Variants in ACOT12 observed in about 807,000 individuals in gnomAD.
ACOT12 encodes acetyl-coenzyme A thioesterase.
ACOT12 carries 51 observed loss-of-function variants against 67.7 expected under a neutral mutation model. The ratio of observed to expected loss-of-function variants is 0.75; its 90% CI spans 0.60 to 0.95. The LOEUF (loss-of-function observed/expected upper bound fraction) is 0.95. ACOT12 is among the 40% of genes least tolerant of loss of function. The pLI, the probability that ACOT12 is intolerant of heterozygous loss-of-function variation, is 0.00. For missense variants in ACOT12, 734 were observed against 708.1 expected (o/e 1.04, Z -0.41); for synonymous variants, 251 against 244.6 (o/e 1.03, Z -0.24).
chr5:81,353,720 AATCTC>A (rs1759623108), intron 5 of ACOT12, among the ~76,000 whole-genome samples: 1 of 152,224 alleles, frequency 6.6e-6, no homozygotes, highest in Admixed American at 6.5e-5. Context: ...TTACAAAACT[AATCTC>A]ATCTCTTTTC....
the ACOT12 span, among the ~76,000 whole-genome samples, chr5:81,323,426 C>A: frequency 6.6e-6 from 1 of 152,166 alleles, no homozygotes; most frequent in African/African-American, 2.4e-5. Flanking sequence ...TTTCCTGGGA[C>A]CATCAGACTA....
At chr5:81,382,634 T>C (rs1760616059) in intron 2 of ACOT12, among the ~76,000 whole-genome samples, 2 of 151,868 alleles carry the variant, frequency 1.3e-5, no homozygotes, top group South Asian at 2.1e-4. Flanking sequence ...CCATCTCTAC[T>C]AAAAAATACA....
At chr5:81,338,593 T>G (rs1479168739) in intron 11 of ACOT12, among the ~76,000 whole-genome samples, 5 of 152,186 alleles carry the variant, frequency 3.3e-5, no homozygotes, top group Non-Finnish European at 5.9e-5. Context: ...TTACCCAGTC[T>G]CAGGTAGTTC....
chr5:81,345,999 A>G lies in ACOT12; in HGVS notation c.659T>C (p.Leu220Pro). Residue 220 changes from leucine (L) to proline (P), a missense_variant, in exon 7 of 15, where the codon CTG becomes CCG. Leu to Pro is a moderately conservative substitution (Grantham distance 98, BLOSUM62 -3). Coordinates refer to ENST00000307624, the MANE Select transcript of ACOT12 (RefSeq NM_130767.3). ...ETVATISASR[L>P]CWAHPFLKSV... Reference sequence around the variant, plus strand: ...CTTCAGAAAGGGATGAGCCCAACACAGGCGGCTGGGGAGACAAAGGGAGGG... The same window carrying G: ...CTTCAGAAAGGGATGAGCCCAACACGGGCGGCTGGGGAGACAAAGGGAGGG... 4 of 1,613,596 alleles carry G rather than the reference A, an allele frequency of 2.5e-6. No homozygotes were observed. The highest frequency in any genetic ancestry group is 3.4e-6 in the Non-Finnish European group (4 of 1,179,708).
At chr5:81,309,185 T>C in the ACOT12 span, 30 of 550,270 alleles carry the variant, frequency 5.5e-5, no homozygotes, top group Non-Finnish European at 8.8e-5. Context: ...TGCTATCATA[T>C]GTACTAGGCT....
intron 5 of ACOT12, among the ~76,000 whole-genome samples, chr5:81,350,271 A>G (rs1243945782): frequency 6.6e-6 from 1 of 152,042 alleles, no homozygotes; most frequent in Non-Finnish European, 1.5e-5. Flanking sequence ...ACTGAGTTTC[A>G]AATTTTAATT....
At chr5:81,344,006 T>A in intron 9 of ACOT12, 125 bp from the exon 10 acceptor site, 3 of 1,209,706 alleles carry the variant, frequency 2.5e-6, no homozygotes, top group Admixed American at 4.3e-5. Context: ...GTGGAAGAAC[T>A]ATTTCCATAA....
At chr5:81,392,310 CT>C (rs1404446907) in intron 1 of ACOT12, among the ~76,000 whole-genome samples, 1 of 152,166 alleles carries the variant, frequency 6.6e-6, no homozygotes, top group Non-Finnish European at 1.5e-5. Context: ...ATAATGTCCC[CT>C]GCTTATGTGG....
At chr5:81,341,522 T>G (rs1433826987) in intron 11 of ACOT12, among the ~76,000 whole-genome samples, 1 of 152,194 alleles carries the variant, frequency 6.6e-6, no homozygotes, top group Non-Finnish European at 1.5e-5. Flanking sequence ...AATCAGGACA[T>G]ATGGTCATCC....
chr5:81,376,138 T>A (rs1045162466), intron 2 of ACOT12, among the ~76,000 whole-genome samples: 1 of 151,890 alleles, frequency 6.6e-6, no homozygotes, highest in Non-Finnish European at 1.5e-5. Flanking sequence ...TAACAAACAG[T>A]CTCTCAGACC....
intron 5 of ACOT12, among the ~76,000 whole-genome samples, chr5:81,353,884 T>C (rs1225715634): frequency 1.3e-5 from 2 of 152,218 alleles, no homozygotes; most frequent in Admixed American, 1.3e-4. Flanking sequence ...AAAAACATGG[T>C]ACAAGAACAG....
At chr5:81,320,204 T>A in the ACOT12 span, among the ~76,000 whole-genome samples, 1 of 152,138 alleles carries the variant, frequency 6.6e-6, no homozygotes, top group African/African-American at 2.4e-5. Flanking sequence ...AGATATTAAG[T>A]GAATGCAGGA....
intron 4 of ACOT12, among the ~76,000 whole-genome samples, chr5:81,360,800 C>G (rs747984913): frequency 6.6e-6 from 1 of 152,096 alleles, no homozygotes; most frequent in Non-Finnish European, 1.5e-5. Context: ...GTGGCTCACA[C>G]CTATAATCCC....
chr5:81,312,576 G>C, the ACOT12 span: 3 of 1,613,712 alleles, frequency 1.9e-6, no homozygotes, highest in Non-Finnish European at 2.5e-6. Flanking sequence ...CTGGGCAAAG[G>C]GAATGAGTGC....
intron 5 of ACOT12, among the ~76,000 whole-genome samples, chr5:81,353,625 C>T (rs189213573): frequency 2.4e-3 from 372 of 152,246 alleles, no homozygotes; most frequent in Non-Finnish European, 3.8e-3. Context: ...TTAAGTTTTT[C>T]CCCTATATGT....
At chr5:81,318,239 C>T in the ACOT12 span, among the ~76,000 whole-genome samples, 1 of 152,124 alleles carries the variant, frequency 6.6e-6, no homozygotes, top group Admixed American at 6.5e-5. Context: ...AATCCAACAT[C>T]ATGTTTTGCA....
At chr5:81,363,589 G>A (rs1759983920) in intron 4 of ACOT12, among the ~76,000 whole-genome samples, 199 bp downstream of exon 4, 1 of 151,854 alleles carries the variant, frequency 6.6e-6, no homozygotes, top group South Asian at 2.1e-4. Context: ...TTTCTCTAAG[G>A]TACTTTTCTG....
intron 11 of ACOT12, among the ~76,000 whole-genome samples, chr5:81,341,221 C>G (rs530292839): frequency 1.3e-5 from 2 of 152,306 alleles, no homozygotes; most frequent in African/African-American, 4.8e-5. Context: ...ACCTGTGTTT[C>G]TGCATCACTG....
the ACOT12 span, among the ~76,000 whole-genome samples, chr5:81,314,180 C>A: frequency 6.6e-6 from 1 of 152,102 alleles, no homozygotes; most frequent in Admixed American, 6.6e-5. Flanking sequence ...TCTTGGCTTA[C>A]TGCAACCTTT....
Sources: gnomAD v4.1 joint callset for allele counts (sites outside exome capture counted in the v4.1 genomes callset) on GRCh38, gnomAD v4.1.1 for gene constraint, MANE v1.5 for transcripts, NCBI Gene and HGNC (gene_info 2026-07-23, HGNC 2026-07-21) for gene names.